DMGDH: variants seen among roughly 807,000 people sequenced by gnomAD.
The protein encoded by DMGDH is dimethylglycine dehydrogenase, mitochondrial.
Under a neutral mutation model 95.2 loss-of-function variants are expected in DMGDH, and 76 were observed. That is an observed-to-expected ratio of 0.80 (90% CI 0.66 to 0.97). The LOEUF is 0.97. Among genes scored for constraint, DMGDH ranks in the 50% least tolerant of loss-of-function variants. The probability of loss-of-function intolerance (pLI) is 0.00; values close to 1 mark genes in which losing one functional copy is unlikely to be tolerated. For synonymous variants in DMGDH, 345 were observed against 377.6 expected (o/e 0.91, Z 1.00); for missense variants, 987 against 1,055.0 (o/e 0.94, Z 0.89).
At chr5:79,065,302 C>A (rs1312815844) in intron 1 of DMGDH, among the ~76,000 whole-genome samples, 3 of 151,614 alleles carry the variant, frequency 2.0e-5, no homozygotes, top group African/African-American at 4.9e-5. Context: ...AATTCCACCC[C>A]CAAGGTTGAA....
At chr5:79,033,621 C>T (rs1281167560) in intron 7 of DMGDH, among the ~76,000 whole-genome samples, 1 of 152,146 alleles carries the variant, frequency 6.6e-6, no homozygotes, top group African/African-American at 2.4e-5. Context: ...AGTTTATTTA[C>T]AGTTTCAAGA....
chr5:79,004,591 C>T (rs1452544585), intron 15 of DMGDH, among the ~76,000 whole-genome samples: 1 of 151,964 alleles, frequency 6.6e-6, no homozygotes, highest in Non-Finnish European at 1.5e-5. Flanking sequence ...TCAGTTTCAA[C>T]AAAATTGGGT....
intron 11 of DMGDH, 110 bp downstream of exon 11, chr5:79,029,794 T>G: frequency 8.6e-7 from 1 of 1,158,218 alleles, no homozygotes; most frequent in Non-Finnish European, 1.2e-6. Flanking sequence ...ACAATCAGGT[T>G]TAAGAAGAAA....
intron 7 of DMGDH, among the ~76,000 whole-genome samples, chr5:79,040,021 A>G (rs1028126445): frequency 1.1e-4 from 17 of 151,638 alleles, no homozygotes. Flanking sequence ...ATAAAAGAGT[A>G]AACATAAGTA....
At chr5:79,010,432 C>G (rs1443081813) in intron 14 of DMGDH, among the ~76,000 whole-genome samples, 4 of 152,082 alleles carry the variant, frequency 2.6e-5, no homozygotes, top group Admixed American at 6.5e-5. Flanking sequence ...TATATGGAGT[C>G]AAAAACCCAT....
chr5:79,003,894 C>T (rs1753499205), intron 15 of DMGDH, among the ~76,000 whole-genome samples: 2 of 152,070 alleles, frequency 1.3e-5, no homozygotes, highest in South Asian at 4.1e-4. Context: ...TTGCAGTGAG[C>T]TGAGATCACG....
intron 2 of DMGDH, among the ~76,000 whole-genome samples, chr5:79,059,041 G>A (rs1362547399): frequency 1.3e-5 from 2 of 152,138 alleles, no homozygotes; most frequent in African/African-American, 2.4e-5. Flanking sequence ...ACTAAAATAC[G>A]TGTATTTCTT....
At chr5:79,045,798 A>T (rs1754655489) in intron 5 of DMGDH, among the ~76,000 whole-genome samples, 5 of 152,170 alleles carry the variant, frequency 3.3e-5, no homozygotes, top group Admixed American at 3.3e-4. Flanking sequence ...TCTGAATCTA[A>T]TAAGGAGTTC....
At chr5:79,055,759 A>G (rs752462326) in intron 3 of DMGDH, 51 bp downstream of exon 3, 2 of 1,120,474 alleles carry the variant, frequency 1.8e-6, no homozygotes, top group Non-Finnish European at 2.5e-6. Context: ...GAAATCTTAC[A>G]TGTTTCTGAG....
At chr5:79,055,033 G>A (rs1754982197) in intron 3 of DMGDH, among the ~76,000 whole-genome samples, 1 of 152,238 alleles carries the variant, frequency 6.6e-6, no homozygotes, top group Admixed American at 6.5e-5. Context: ...CTCAAAGGTG[G>A]TGACCCCAGG....
chr5:79,000,925 C>T lies in DMGDH; in HGVS notation c.2386-2628G>A, dbSNP rs369045700. ...GCATTCAACTGATAGACAGGTGGAG[C>T]TGTACCTGGGTCCTCATTTGGCAGC... On this transcript the variant is annotated intron_variant, in intron 15 of 15. Coordinates refer to ENST00000255189, the MANE Select transcript of DMGDH (RefSeq NM_013391.3). 71 of 673,140 alleles carry T rather than the reference C, an allele frequency of 1.1e-4. No homozygotes were observed. The East Asian group carries it at 1.6e-3, about 15-fold the overall frequency. 41.7% of individuals were successfully genotyped at this position (673,140 alleles called of 1,614,324 possible). A position where few individuals can be genotyped will look rare whatever the true frequency, so the allele number is the denominator to read the frequency against.
chr5:79,026,661 A>G, intron 12 of DMGDH, 80 bp from the exon 13 acceptor site: 1 of 1,580,422 alleles, frequency 6.3e-7, no homozygotes, highest in Non-Finnish European at 8.7e-7. Context: ...GAACACATAT[A>G]AGCAGGAGAA....
chr5:78,998,250 C>G lies in DMGDH; in HGVS notation c.2433G>C (p.Lys811Asn), dbSNP rs200584827. 3 of 1,614,178 alleles carry G rather than the reference C, an allele frequency of 1.9e-6. No homozygotes were observed. In the Admixed American group the frequency reaches 5.0e-5, roughly 27 times the overall value. ...CAGGGACATATGCGAAAGCCAGACT[C>G]TTCTGGATGCTGTAGCTATAGCTTC... ...TSGSYSYSIQ[K>N]SLAFAYVPVQ... Residue 811 changes from lysine to asparagine, a missense_variant, in exon 16 of 16, where the codon AAG (lysine) becomes AAC (asparagine). By Grantham distance (94) the Lys-to-Asn change is moderately conservative. Transcript: ENST00000255189.
chr5:79,051,290 C>T lies in DMGDH; in HGVS notation c.742G>A (p.Ala248Thr). ...TTCAAAAAAATGATATGCTTACCTG[C>T]AGCATTCACAATTCTATTTGCTCTC... Reference protein sequence around the residue: ...SMRANRIVNAAGFWAREVGKM... With the variant: ...SMRANRIVNATGFWAREVGKM... The change falls in exon 5 of 16, where the codon GCA becomes ACA. Residue 248 changes from alanine to threonine, a missense_variant. Ala to Thr is a moderately conservative substitution (Grantham distance 58). Transcript: ENST00000255189. 2 of 1,614,090 alleles carry T rather than the reference C, an allele frequency of 1.2e-6. No individual in the cohort carries two copies. Among genetic ancestry groups the T allele is most frequent in the Non-Finnish European group, 1.7e-6 (2 of 1,179,950 alleles).
At chr5:79,058,213 A>T (rs1455623009) in intron 2 of DMGDH, among the ~76,000 whole-genome samples, 1 of 152,196 alleles carries the variant, frequency 6.6e-6, no homozygotes, top group East Asian at 1.9e-4. Context: ...TCTCACTCAG[A>T]CATAGAAATT....
chr5:79,061,220 AACACAC>A (rs34931005), intron 2 of DMGDH, among the ~76,000 whole-genome samples: 12,659 of 141,352 alleles, frequency 0.09, 675 homozygotes, highest in Middle Eastern at 0.12. Flanking sequence ...CTCTGTCTCA[AACACAC>A]ACACACACAC....
intron 14 of DMGDH, among the ~76,000 whole-genome samples, chr5:79,008,607 G>A (rs1299347752): frequency 6.6e-6 from 1 of 152,118 alleles, no homozygotes; most frequent in Non-Finnish European, 1.5e-5. Flanking sequence ...AGCTATTGGG[G>A]CAGAGCTAGG....
In DMGDH at chr5:79,028,462, G is replaced by A. The variant is rs747796577; in HGVS notation, c.2003C>T (p.Pro668Leu). ...QTKSLKVSNIPVTAIRISYTG... is the reference protein window; with the variant it reads ...QTKSLKVSNILVTAIRISYTG... ...ATAAGATATCCTAATAGCAGTGACA[G>A]GAATGTTGGAAACCTTTAAGGACTT... is the stretch of plus-strand genomic sequence containing the variant. Residue 668 changes from proline to leucine, a missense_variant, in exon 12 of 16, where the codon CCT becomes CTT. Physicochemically the swap from Pro to Leu is moderately conservative, Grantham distance 98. Transcript: ENST00000255189. The A allele has an allele frequency of 6.2e-7, 1 of 1,613,910 alleles. No individual in the cohort carries two copies. Among genetic ancestry groups the A allele is most frequent in the Admixed American group, 1.7e-5 (1 of 60,020 alleles).
chr5:79,019,478 G>GT (rs1753810451), intron 14 of DMGDH, among the ~76,000 whole-genome samples: 1 of 151,800 alleles, frequency 6.6e-6, no homozygotes, highest in Non-Finnish European at 1.5e-5. Context: ...AAAATCACCT[G>GT]TGGAGCTTTA....
Sources: allele counts gnomAD v4.1 joint callset (sites outside exome capture counted in the v4.1 genomes callset), GRCh38; gene constraint gnomAD v4.1.1; transcripts MANE v1.5; gene names NCBI Gene and HGNC (gene_info 2026-07-23, HGNC 2026-07-21).